Variants in ITPRID1 observed in about 807,000 individuals in gnomAD.
ITPRID1 encodes protein ITPRID1.
ITPRID1 carries 96 observed loss-of-function variants against 95.4 expected under a neutral mutation model. The ratio of observed to expected loss-of-function variants is 1.01; its 90% confidence interval spans 0.85 to 1.19. The LOEUF (loss-of-function observed/expected upper bound fraction) is 1.19, where lower values mean the gene tolerates loss of function less well. Among genes scored for constraint, ITPRID1 ranks in the 50% most tolerant of loss-of-function variants. The pLI is 0.00. For missense variants in ITPRID1, 1,339 were observed against 1,252.9 expected, an observed-to-expected ratio of 1.07 and a Z score of -1.04; for synonymous variants, 510 against 453.6, an observed-to-expected ratio of 1.12 and a Z score of -1.58.
chr7:31,594,993 G>A (rs1786021930), intron 10 of ITPRID1, among the ~76,000 whole-genome samples: 1 of 150,868 alleles, frequency 6.6e-6, no homozygotes, highest in African/African-American at 2.4e-5. Context: ...ATTAAAATGA[G>A]TACTATTTGC....
chr7:31,607,130 T>C (rs1310555563), intron 10 of ITPRID1, among the ~76,000 whole-genome samples: 2 of 152,154 alleles, frequency 1.3e-5, no homozygotes, highest in African/African-American at 4.8e-5. Flanking sequence ...TTTTATTAGA[T>C]TCAAAGAATG....
chr7:31,532,375 A>G (rs186768600), intron 1 of ITPRID1, among the ~76,000 whole-genome samples: 1 of 152,166 alleles, frequency 6.6e-6, no homozygotes, highest in East Asian at 1.9e-4. Flanking sequence ...GCTAACTAGG[A>G]CATTCTGAAA....
chr7:31,585,528 A>G (rs1785560494), intron 10 of ITPRID1, among the ~76,000 whole-genome samples: 1 of 152,198 alleles, frequency 6.6e-6, no homozygotes, highest in Non-Finnish European at 1.5e-5. Flanking sequence ...GAAGTCTATC[A>G]TTCATATTCT....
chr7:31,585,677 C>A (rs1224164244), intron 10 of ITPRID1, among the ~76,000 whole-genome samples: 1 of 152,070 alleles, frequency 6.6e-6, no homozygotes, highest in South Asian at 2.1e-4. Context: ...CCAAGAGAAT[C>A]TCACTTAGCT....
chr7:31,562,572 A>G (rs1015230277), intron 5 of ITPRID1, among the ~76,000 whole-genome samples: 7 of 152,210 alleles, frequency 4.6e-5, no homozygotes, highest in African/African-American at 1.7e-4. Context: ...TAAACATAAC[A>G]GATGTTCCCT....
chr7:31,613,560 TAGTC>T (rs750559588), intron 10 of ITPRID1, among the ~76,000 whole-genome samples: 37 of 152,040 alleles, frequency 2.4e-4, no homozygotes, highest in East Asian at 2.1e-3. Flanking sequence ...CTCTGTTTGT[TAGTC>T]AGTAACAATG....
rs1467176606 is a variant in ITPRID1, at chr7:31,586,807, G to C, written c.1228+3616G>C. Among the ~76,000 whole-genome samples, 8 of 151,688 alleles carry C rather than the reference G, an allele frequency of 5.3e-5. No homozygotes were observed. In the South Asian group the frequency reaches 1.3e-3, roughly 24 times the overall value. On this transcript the variant is annotated intron_variant, in intron 10 of 14. Transcript: ENST00000615280. ...TTGTAGGTTGCCTGTTCACTCTGACGGTAGTTTCTTTTGCTGTGCAGAAGC... is the reference window on the plus strand; with the variant it reads ...TTGTAGGTTGCCTGTTCACTCTGACCGTAGTTTCTTTTGCTGTGCAGAAGC...
chr7:31,604,233 C>T (rs1264322750), intron 10 of ITPRID1, among the ~76,000 whole-genome samples: 1 of 152,148 alleles, frequency 6.6e-6, no homozygotes, highest in African/African-American at 2.4e-5. Flanking sequence ...TTAATTCATC[C>T]TTAAAACCAC....
At chr7:31,594,498 G>A (rs1785995356) in intron 10 of ITPRID1, among the ~76,000 whole-genome samples, 1 of 152,162 alleles carries the variant, frequency 6.6e-6, no homozygotes, top group Non-Finnish European at 1.5e-5. Context: ...ATGTGCATAT[G>A]TTATTTTCAA....
chr7:31,514,602 A>G (rs1782992869), intron 1 of ITPRID1, among the ~76,000 whole-genome samples: 1 of 152,212 alleles, frequency 6.6e-6, no homozygotes, highest in Non-Finnish European at 1.5e-5. Context: ...ACAGCTTATA[A>G]GCACGGTGTT....
chr7:31,638,689 C>T (rs577417530), intron 10 of ITPRID1, among the ~76,000 whole-genome samples: 8 of 152,190 alleles, frequency 5.3e-5, no homozygotes, highest in African/African-American at 9.6e-5. Context: ...TTTGTTAACT[C>T]GATATGTAAT....
At chr7:31,576,395 T>C (rs1785184424) in intron 8 of ITPRID1, among the ~76,000 whole-genome samples, 1 of 152,228 alleles carries the variant, frequency 6.6e-6, no homozygotes, top group African/African-American at 2.4e-5. Flanking sequence ...GTTCTCTGAA[T>C]TGACTTAACC....
intron 10 of ITPRID1, among the ~76,000 whole-genome samples, chr7:31,625,819 C>CT (rs34385465): frequency 0.27 from 40,372 of 149,794 alleles, 5,913 homozygotes; most frequent in Non-Finnish European, 0.33. Flanking sequence ...CTTAGAATGT[C>CT]TTTTTTTTTA....
chr7:31,550,664 GAGGT>G (rs1199347285), intron 2 of ITPRID1, among the ~76,000 whole-genome samples: 1 of 102,680 alleles, frequency 9.7e-6, no homozygotes, highest in Non-Finnish European at 2.5e-5. Context: ...GGGAACAAAA[GAGGT>G]TTTCTTTATG....
At chr7:31,546,389 G>A (rs1237750190) in intron 1 of ITPRID1, among the ~76,000 whole-genome samples, 2 of 151,670 alleles carry the variant, frequency 1.3e-5, no homozygotes, top group East Asian at 3.9e-4. Context: ...CTTCAAAACA[G>A]AGAAATATTG....
chr7:31,607,974 A>G (rs1786700151), intron 10 of ITPRID1, among the ~76,000 whole-genome samples: 1 of 151,968 alleles, frequency 6.6e-6, no homozygotes, highest in Non-Finnish European at 1.5e-5. Context: ...CATGGTTGCA[A>G]TGCTTATGCT....
intron 1 of ITPRID1, among the ~76,000 whole-genome samples, chr7:31,530,687 C>G (rs978826956): frequency 1.3e-5 from 2 of 152,088 alleles, no homozygotes; most frequent in African/African-American, 4.8e-5. Context: ...CCATTGAAAA[C>G]TTGCCTAATT....
At chr7:31,563,585 G>A (rs1222693041) in intron 5 of ITPRID1, among the ~76,000 whole-genome samples, 3 of 152,200 alleles carry the variant, frequency 2.0e-5, no homozygotes, top group Non-Finnish European at 1.5e-5. Context: ...GGTGTTGTGG[G>A]AGTTGAAGCA....
rs1784406407 is a variant in ITPRID1 at position 31,555,130 on chromosome 7, T to G, written c.256+229T>G. The G allele has an allele frequency of 6.2e-6, 3 of 486,090 alleles. No individual in the cohort carries two copies. The South Asian group carries it at 8.7e-5, about 14-fold the overall frequency. 30.1% of individuals were successfully genotyped at this position (486,090 alleles called of 1,614,324 possible). ...CGAACCCAGGGCTCTTGCCATATCA[T>G]CAATGGCTCAGAGTATAGCATAAAC... On this transcript the variant is annotated intron_variant, in intron 5 of 14. Transcript: ENST00000615280.
Sources: allele counts gnomAD v4.1 joint callset (sites outside exome capture counted in the v4.1 genomes callset), GRCh38; gene constraint gnomAD v4.1.1; transcripts MANE v1.5; gene names NCBI Gene and HGNC (gene_info 2026-07-23, HGNC 2026-07-21).